Variants in TENM3 observed in about 807,000 individuals in gnomAD.
TENM3 encodes teneurin-3.
TENM3 carries 63 observed loss-of-function variants against 255.1 expected under a neutral mutation model. The ratio of observed to expected loss-of-function variants is 0.25; its 90% CI spans 0.20 to 0.30. The LOEUF (loss-of-function observed/expected upper bound fraction) is 0.30, where lower values mean the gene tolerates loss of function less well. Among genes scored for constraint, TENM3 ranks in the 10% least tolerant of loss-of-function variants. TENM3 has a pLI of 1.00. For synonymous variants in TENM3, 1,306 were observed against 1,322.3 expected (o/e 0.99, Z 0.27); for missense variants, 2,929 against 3,461.1 (o/e 0.85, Z 3.86).
chr4:182,503,344 C>T (rs1736502529), intron 3 of TENM3, among the ~76,000 whole-genome samples: 2 of 152,170 alleles, frequency 1.3e-5, no homozygotes, highest in South Asian at 4.1e-4. Flanking sequence ...ACTCAGGTTT[C>T]TTCTCATTGC....
At chr4:181,939,266 A>G in the TENM3 span, among the ~76,000 whole-genome samples, 2 of 152,162 alleles carry the variant, frequency 1.3e-5, no homozygotes, top group African/African-American at 4.8e-5. Context: ...GAAGGAAGGT[A>G]TGTGTCTCTG....
At chr4:181,674,750 T>C in the TENM3 span, among the ~76,000 whole-genome samples, 51 of 152,276 alleles carry the variant, frequency 3.3e-4, no homozygotes, top group Middle Eastern at 3.4e-3. Flanking sequence ...CATACTCTAT[T>C]GGTGTTTTGG....
At chr4:181,869,473 A>G in the TENM3 span, among the ~76,000 whole-genome samples, 44,921 of 151,998 alleles carry the variant, frequency 0.3, 7,871 homozygotes, top group Middle Eastern at 0.42. Context: ...AGTGAGTTGC[A>G]AAGTTAAAAT....
At chr4:182,420,453 C>T (rs1350244352) in intron 3 of TENM3, among the ~76,000 whole-genome samples, 4 of 152,096 alleles carry the variant, frequency 2.6e-5, no homozygotes, top group Admixed American at 6.6e-5. Context: ...TTATTTTTGC[C>T]GCATACGGAC....
At chr4:181,743,269 T>A in the TENM3 span, among the ~76,000 whole-genome samples, 1 of 152,210 alleles carries the variant, frequency 6.6e-6, no homozygotes, top group Non-Finnish European at 1.5e-5. Context: ...CCACAATGGT[T>A]GAACTAGTTT....
intron 11 of TENM3, among the ~76,000 whole-genome samples, chr4:182,685,796 AT>A (rs1335883369): frequency 1.3e-5 from 2 of 152,094 alleles, no homozygotes; most frequent in Non-Finnish European, 2.9e-5. Context: ...AACAAGCACA[AT>A]AGCCCCTTTT....
the TENM3 span, among the ~76,000 whole-genome samples, chr4:182,017,692 T>G: frequency 6.6e-6 from 1 of 152,210 alleles, no homozygotes; most frequent in South Asian, 2.1e-4. Flanking sequence ...TTTCTTGTAG[T>G]TCTTACATGC....
chr4:181,626,248 A>G, the TENM3 span, among the ~76,000 whole-genome samples: 2 of 152,164 alleles, frequency 1.3e-5, no homozygotes, highest in African/African-American at 4.8e-5. Context: ...GCACAGCATG[A>G]TTAAAGAGCA....
chr4:182,312,817 T>C (rs1762531537), intron 1 of TENM3, among the ~76,000 whole-genome samples: 1 of 152,220 alleles, frequency 6.6e-6, no homozygotes, highest in Admixed American at 6.5e-5. Context: ...TCTGCAAGCT[T>C]GGAAAGCTGC....
At chr4:182,057,043 C>T in the TENM3 span, among the ~76,000 whole-genome samples, 2 of 150,960 alleles carry the variant, frequency 1.3e-5, no homozygotes, top group African/African-American at 2.4e-5. Context: ...CTCGAATGCC[C>T]CAGTGATAGC....
At chr4:182,742,267 C>A (rs1384173205) in intron 18 of TENM3, among the ~76,000 whole-genome samples, 1 of 152,184 alleles carries the variant, frequency 6.6e-6, no homozygotes. Flanking sequence ...ATTTAATATT[C>A]ATTTGGAAGC....
At chr4:181,767,525 G>A in the TENM3 span, among the ~76,000 whole-genome samples, 4 of 151,990 alleles carry the variant, frequency 2.6e-5, no homozygotes, top group Admixed American at 6.6e-5. Flanking sequence ...TCAGTAGTAC[G>A]TTGCCTTTCT....
At chr4:182,465,435 A>G (rs1429478909) in intron 3 of TENM3, among the ~76,000 whole-genome samples, 3 of 152,128 alleles carry the variant, frequency 2.0e-5, no homozygotes, top group Admixed American at 2.0e-4. Flanking sequence ...TGAATGAGGA[A>G]ACATGCCTTA....
chr4:181,881,833 T>C, the TENM3 span, among the ~76,000 whole-genome samples: 5 of 152,196 alleles, frequency 3.3e-5, no homozygotes, highest in Admixed American at 2.6e-4. Context: ...AGCTGAACAA[T>C]TGATATATTT....
chr4:181,523,030 G>C, the TENM3 span: 1 of 621,476 alleles, frequency 1.6e-6, no homozygotes, highest in Non-Finnish European at 3.1e-6. Flanking sequence ...GATTGTAGAA[G>C]AAGGGAAATC....
At chr4:182,753,817 A>G (rs539492008) in intron 21 of TENM3, among the ~76,000 whole-genome samples, 40 of 152,336 alleles carry the variant, frequency 2.6e-4, no homozygotes, top group South Asian at 6.2e-4. Flanking sequence ...ATACAGAACA[A>G]TTATCACTAA....
At chr4:182,303,344 G>T (rs1761953037) in intron 1 of TENM3, among the ~76,000 whole-genome samples, 1 of 152,102 alleles carries the variant, frequency 6.6e-6, no homozygotes. Context: ...CCACTGACTG[G>T]TTGCTCCACT....
the TENM3 span, among the ~76,000 whole-genome samples, chr4:181,861,606 C>T: frequency 5.3e-5 from 8 of 152,018 alleles, no homozygotes; most frequent in African/African-American, 1.9e-4. Context: ...TTCCAACATC[C>T]CTAATACTTC....
At chr4:182,787,735 CA>C (rs33998093) in intron 24 of TENM3, among the ~76,000 whole-genome samples, 4,788 of 41,498 alleles carry the variant, frequency 0.12, 33 homozygotes, top group Middle Eastern at 0.19. Context: ...AACTCCACCT[CA>C]AAAAAAAAAA....
Sources: gnomAD v4.1 joint callset for allele counts (sites outside exome capture counted in the v4.1 genomes callset) on GRCh38, gnomAD v4.1.1 for gene constraint, MANE v1.5 for transcripts, NCBI Gene and HGNC (gene_info 2026-07-23, HGNC 2026-07-21) for gene names.